The following RELN variants were observed in gnomAD, a reference collection of about 807,000 sequenced individuals.
The protein encoded by RELN is reelin.
Under a neutral mutation model 427.6 loss-of-function variants are expected in RELN, and 108 were observed. The observed-to-expected ratio is 0.25, with a 90% CI of 0.22 to 0.30. The LOEUF (loss-of-function observed/expected upper bound fraction) is 0.30. Among genes scored for constraint, RELN ranks in the 10% least tolerant of loss-of-function variants. RELN has a pLI of 1.00. For synonymous variants in RELN, 1,524 were observed against 1,513.4 expected, an observed-to-expected ratio of 1.01 and a Z score of -0.16; for missense variants, 3,715 against 4,302.8, an observed-to-expected ratio of 0.86 and a Z score of 3.82.
chr7:103,593,195 T>C (rs935527108), intron 27 of RELN, among the ~76,000 whole-genome samples: 1 of 152,202 alleles, frequency 6.6e-6, no homozygotes, highest in Non-Finnish European at 1.5e-5. Flanking sequence ...TGTTGATATG[T>C]TATCACAGAG....
chr7:103,701,680 G>A (rs193064733), intron 8 of RELN, among the ~76,000 whole-genome samples: 1 of 152,190 alleles, frequency 6.6e-6, no homozygotes, highest in East Asian at 1.9e-4. Flanking sequence ...GTTTCTACAT[G>A]TCGAATGAAT....
At chr7:103,915,653 T>G (rs764119878) in intron 2 of RELN, among the ~76,000 whole-genome samples, 1 of 151,154 alleles carries the variant, frequency 6.6e-6, no homozygotes, top group Non-Finnish European at 1.5e-5. Context: ...AAATCACCAA[T>G]GCTCAGGCCC....
At chr7:103,672,625 T>C (rs1833418223) in intron 11 of RELN, among the ~76,000 whole-genome samples, 3 of 152,204 alleles carry the variant, frequency 2.0e-5, no homozygotes, top group South Asian at 2.1e-4. Context: ...TTTTTAAGCA[T>C]ATCCAATTCT....
intron 2 of RELN, among the ~76,000 whole-genome samples, chr7:103,849,708 C>T (rs1393531665): frequency 6.6e-6 from 1 of 152,174 alleles, no homozygotes; most frequent in African/African-American, 2.4e-5. Context: ...ACATGTCAAA[C>T]CTGGGCCACA....
At chr7:103,961,559 A>G (rs529800605) in intron 1 of RELN, among the ~76,000 whole-genome samples, 1 of 152,366 alleles carries the variant, frequency 6.6e-6, no homozygotes, top group South Asian at 2.1e-4. Flanking sequence ...AGCAAAGCGT[A>G]TACAAACATA....
intron 13 of RELN, among the ~76,000 whole-genome samples, chr7:103,653,759 C>A (rs1832970297): frequency 6.6e-6 from 1 of 151,974 alleles, no homozygotes; most frequent in Non-Finnish European, 1.5e-5. Context: ...GACAAATACT[C>A]ATTATGACTG....
chr7:103,826,586 C>T (rs994663570), intron 3 of RELN, among the ~76,000 whole-genome samples: 1 of 151,922 alleles, frequency 6.6e-6, no homozygotes, highest in Non-Finnish European at 1.5e-5. Context: ...ATTTATTCAC[C>T]TGTTTCTCAG....
intron 52 of RELN, among the ~76,000 whole-genome samples, chr7:103,501,801 A>C (rs1462639417): frequency 6.6e-6 from 1 of 152,238 alleles, no homozygotes; most frequent in African/African-American, 2.4e-5. Flanking sequence ...CACCCCAGAT[A>C]ATCCATGAAA....
chr7:103,860,280 C>T lies in RELN; in HGVS notation c.338-26608G>A, dbSNP rs80300276. On this transcript the variant is annotated intron_variant, in intron 2 of 64. Transcript: ENST00000428762. ...AGGCAAATATTTTAACACTTTTTTA[C>T]TATATTCCCTAAGGGATTAAGGTAT... is the stretch of plus-strand genomic sequence containing the variant. 1.1e-3 allele frequency among the ~76,000 whole-genome samples: 174 copies of T among 152,204 alleles called. 4 individuals are homozygous for T. In the East Asian group the frequency reaches 0.029, roughly 25 times the overall value.
At chr7:103,812,322 C>T (rs148709819) in intron 3 of RELN, among the ~76,000 whole-genome samples, 507 of 152,306 alleles carry the variant, frequency 3.3e-3, no homozygotes, top group African/African-American at 0.011. Flanking sequence ...GCCCTTCTGA[C>T]CTTGTGCACA....
intron 1 of RELN, among the ~76,000 whole-genome samples, chr7:103,930,874 GT>G (rs1298992492): frequency 8.7e-6 from 1 of 115,296 alleles, no homozygotes; most frequent in Non-Finnish European, 1.6e-5. Flanking sequence ...GCATATGTGT[GT>G]GTGTGTGTGT....
At chr7:103,550,364 A>C (rs1220269027) in intron 41 of RELN, among the ~76,000 whole-genome samples, 1 of 152,146 alleles carries the variant, frequency 6.6e-6, no homozygotes, top group Non-Finnish European at 1.5e-5. Context: ...TTTTTGACAT[A>C]CTCTGAAAGA....
chr7:103,918,056 T>C (rs1795527657), intron 1 of RELN, among the ~76,000 whole-genome samples: 1 of 152,070 alleles, frequency 6.6e-6, no homozygotes, highest in Non-Finnish European at 1.5e-5. Context: ...TTGGTGGCAA[T>C]AAGGAGAATG....
chr7:103,631,838 CAATG>C (rs1167739339), intron 19 of RELN, among the ~76,000 whole-genome samples: 20 of 151,782 alleles, frequency 1.3e-4, no homozygotes, highest in African/African-American at 4.8e-4. Context: ...ACTGGTTTAA[CAATG>C]AAGATATCAG....
chr7:103,786,335 TTTC>T (rs1367824103), intron 3 of RELN, among the ~76,000 whole-genome samples: 1 of 151,786 alleles, frequency 6.6e-6, no homozygotes, highest in African/African-American at 2.4e-5. Context: ...AAACAGCTGT[TTTC>T]TATTTGCTTA....
At chr7:103,810,613 GTGCTCCTGGT>G (rs768919432) in intron 3 of RELN, among the ~76,000 whole-genome samples, 1 of 152,044 alleles carries the variant, frequency 6.6e-6, no homozygotes, top group Non-Finnish European at 1.5e-5. Flanking sequence ...TATTATCTTA[GTGCTCCTGGT>G]TGCAGCACTG....
chr7:103,572,328 G>C (rs1830900794), intron 30 of RELN, 68 bp from the exon 31 acceptor site: 1 of 865,268 alleles, frequency 1.2e-6, no homozygotes, highest in South Asian at 1.4e-5. Flanking sequence ...TTAGCGTTTT[G>C]ACACATTAGA....
chr7:103,596,203 A>T (rs1831533456), intron 25 of RELN, among the ~76,000 whole-genome samples: 1 of 152,238 alleles, frequency 6.6e-6, no homozygotes, highest in Non-Finnish European at 1.5e-5. Flanking sequence ...TTGAGTAAAC[A>T]GTGGTTACGT....
chr7:103,629,774 T>G (rs1455096840), intron 20 of RELN, among the ~76,000 whole-genome samples, 166 bp downstream of exon 20: 1 of 152,224 alleles, frequency 6.6e-6, no homozygotes, highest in Admixed American at 6.5e-5. Flanking sequence ...AGTAGGGTTG[T>G]GTAGACATAC....
Sources: gnomAD v4.1 joint callset for allele counts (sites outside exome capture counted in the v4.1 genomes callset) on GRCh38, gnomAD v4.1.1 for gene constraint, MANE v1.5 for transcripts, NCBI Gene and HGNC (gene_info 2026-07-23, HGNC 2026-07-21) for gene names.